LOXHD1: variants seen among roughly 807,000 people sequenced by gnomAD.
The protein encoded by LOXHD1 is lipoxygenase homology PLAT domains 1.
LOXHD1 carries 205 observed loss-of-function variants against 248.2 expected under a neutral mutation model. That is an observed-to-expected ratio of 0.83 (90% CI 0.74 to 0.93). The LOEUF (loss-of-function observed/expected upper bound fraction) is 0.93, where lower values mean the gene tolerates loss of function less well. Among genes scored for constraint, LOXHD1 ranks in the 40% least tolerant of loss-of-function variants. The pLI, the probability that LOXHD1 is intolerant of heterozygous loss-of-function variation, is 0.00. For synonymous variants in LOXHD1, 1,113 were observed against 1,162.8 expected (o/e 0.96, Z 0.87); for missense variants, 2,930 against 2,971.6 (o/e 0.99, Z 0.33).
chr18:46,545,865 G>A lies in LOXHD1; in HGVS notation c.3515-444C>T, dbSNP rs112079135. ...GGGATGGTCTCGATCTCCTGACCTC[G>A]TGATCCGCCCGCCTCGGCCTCCCAA... On this transcript the variant is annotated intron_variant, in intron 22 of 40. Transcript: ENST00000642948. Among the ~76,000 whole-genome samples the A allele has an allele frequency of 3.8e-3, 578 of 151,606 alleles. 15 individuals are homozygous for A. The highest frequency in any genetic ancestry group is 6.3e-4 in the Non-Finnish European group (43 of 67,888).
Position 46,618,637 on chromosome 18 carries a change from A to G in LOXHD1, c.512-347T>C, listed in dbSNP as rs1475767426. ...CATGTTGCCTTGAAACACAGGGATC[A>G]GCCCAGACCCAAGGTGCCACCCTGA... is the stretch of plus-strand genomic sequence containing the variant. On this transcript the variant is annotated intron_variant, in intron 4 of 40. Coordinates refer to ENST00000642948, the MANE Select transcript of LOXHD1 (RefSeq NM_001384474.1). Among the ~76,000 whole-genome samples the G allele has an allele frequency of 9.8e-5, 15 of 152,324 alleles. 1 individual carries two copies. The South Asian group carries it at 2.9e-3, about 29-fold the overall frequency.
chr18:46,538,389 C>T (rs1598948448), intron 25 of LOXHD1, 52 bp from the exon 26 acceptor site: 1 of 1,510,148 alleles, frequency 6.6e-7, no homozygotes, highest in Non-Finnish European at 9.0e-7. Flanking sequence ...GAACAGAAAA[C>T]AAACATGGTG....
intron 28 of LOXHD1, among the ~76,000 whole-genome samples, chr18:46,530,581 A>G (rs539228899): frequency 2.8e-4 from 42 of 152,256 alleles, no homozygotes; most frequent in Admixed American, 2.5e-3. Flanking sequence ...AAGACCCTCA[A>G]AAAGGGGATT....
intron 14 of LOXHD1, among the ~76,000 whole-genome samples, chr18:46,572,374 G>A (rs1000173693): frequency 3.3e-5 from 5 of 152,288 alleles, no homozygotes; most frequent in African/African-American, 4.8e-5. Context: ...ATTGGAAGGA[G>A]GGCAGGGAAC....
chr18:46,504,043 G>A (rs1391738373), intron 37 of LOXHD1, among the ~76,000 whole-genome samples: 1 of 152,158 alleles, frequency 6.6e-6, no homozygotes, highest in African/African-American at 2.4e-5. Flanking sequence ...TTACTTGGTT[G>A]TAAAAAGAGG....
intron 12 of LOXHD1, among the ~76,000 whole-genome samples, chr18:46,585,883 C>T (rs1328254264): frequency 6.6e-6 from 1 of 152,128 alleles, no homozygotes; most frequent in Non-Finnish European, 1.5e-5. Context: ...CAAAGAGCTA[C>T]CAAATGACCC....
chr18:46,649,101 C>T lies in LOXHD1; in HGVS notation c.245+54G>A, dbSNP rs980850769. On this transcript the variant is annotated intron_variant, in intron 2 of 40. Coordinates refer to ENST00000642948, the MANE Select transcript of LOXHD1 (RefSeq NM_001384474.1). ...GCAGGCCACCCTTGGGTCCCAGAAC[C>T]TAATCAACAGGACTAATGGCCCAGG... 24 of 1,457,902 alleles carry T rather than the reference C, an allele frequency of 1.6e-5. No homozygotes were observed. In the African/African-American group the frequency reaches 2.7e-4, roughly 16 times the overall value. 90.3% of individuals were successfully genotyped at this position (1,457,902 alleles called of 1,614,324 possible).
At chr18:46,509,657 G>A in intron 35 of LOXHD1, 41 bp downstream of exon 35, 1 of 1,395,640 alleles carries the variant, frequency 7.2e-7, no homozygotes, top group Non-Finnish European at 1.0e-6. Flanking sequence ...GGAAGGGGTG[G>A]GTGGTGGCTG....
rs184981517 is a variant in LOXHD1, at chr18:46,623,317, C to T, written c.512-5027G>A. Reference sequence around the variant, plus strand: ...TGCACATCTGAGACCAGCAACCCTACCTTTCACATAGTCACCTCCTTCCAC... The same window carrying T: ...TGCACATCTGAGACCAGCAACCCTATCTTTCACATAGTCACCTCCTTCCAC... On this transcript the variant is annotated intron_variant, in intron 4 of 40. Coordinates refer to ENST00000642948, the MANE Select transcript of LOXHD1 (RefSeq NM_001384474.1). Among the ~76,000 whole-genome samples, 917 of 152,340 alleles carry T rather than the reference C, an allele frequency of 6.0e-3. 11 individuals carry two copies. The highest frequency in any genetic ancestry group is 0.021 in the African/African-American group (883 of 41,562).
chr18:46,552,677 C>T (rs552021940), intron 21 of LOXHD1, among the ~76,000 whole-genome samples: 1 of 152,198 alleles, frequency 6.6e-6, no homozygotes, highest in Non-Finnish European at 1.5e-5. Flanking sequence ...CATCTCCCAC[C>T]AGTGCCTGAC....
chr18:46,526,268 T>C (rs1170021294), intron 29 of LOXHD1, among the ~76,000 whole-genome samples: 1 of 152,182 alleles, frequency 6.6e-6, no homozygotes, highest in East Asian at 1.9e-4. Flanking sequence ...GGTCCTGTGC[T>C]TGGGGAGTGG....
chr18:46,517,100 C>T (rs1441231862), intron 34 of LOXHD1, among the ~76,000 whole-genome samples: 1 of 152,116 alleles, frequency 6.6e-6, no homozygotes, highest in Non-Finnish European at 1.5e-5. Context: ...TGTTCAGAGG[C>T]AAGTTGCTGT....
Position 46,533,294 on chromosome 18 carries a change from G to A in LOXHD1, c.4243C>T (p.Arg1415Trp), listed in dbSNP as rs1470715466. 14 of 1,551,808 alleles carry A rather than the reference G, an allele frequency of 9.0e-6. No homozygotes were observed. Among genetic ancestry groups the A allele is most frequent in the South Asian group, 3.6e-5 (3 of 84,060 alleles). ...GAETLTFPCD[R>W]WLATSEDDKK... ...TCATCCTCAGAGGTGGCAAGCCACC[G>A]ATCGCATGGGAAAGTCAAGGTCTCT... The change falls in exon 28 of 41, where the codon CGG (arginine) becomes TGG (tryptophan). Residue 1415 changes from arginine to tryptophan, a missense_variant. Arg to Trp is a moderately radical substitution (Grantham distance 101). Transcript: ENST00000642948.
intron 6 of LOXHD1, 134 bp downstream of exon 6, chr18:46,610,642 C>G (rs1033984145): frequency 8.5e-5 from 83 of 980,698 alleles, no homozygotes. Flanking sequence ...GAATGGCTGG[C>G]CATCTGGCTT....
intron 5 of LOXHD1, among the ~76,000 whole-genome samples, chr18:46,617,595 G>A (rs2038606637): frequency 7.2e-6 from 1 of 139,620 alleles, no homozygotes; most frequent in African/African-American, 2.7e-5. Context: ...TTAGTATATT[G>A]TTACAAAATT....
At position 46,547,834 on chromosome 18, in the gene LOXHD1, C is replaced by T. The variant is rs149815202; in HGVS notation, c.3351-776G>A. 3.1e-3 allele frequency among the ~76,000 whole-genome samples: 473 copies of T among 152,296 alleles called. 2 individuals are homozygous for T. Among genetic ancestry groups the T allele is most frequent in the Non-Finnish European group, 4.6e-3 (316 of 68,016 alleles). ...CTATTAAATTTGGATTTTAGATAAA[C>T]AATGCATAACGTTTTAAGTGTGTCC... On this transcript the variant is annotated intron_variant, in intron 21 of 40. Transcript: ENST00000642948.
In LOXHD1 at chr18:46,608,385, C is replaced by A. The variant is rs551858360; in HGVS notation, c.759+2391G>T. Among the ~76,000 whole-genome samples the A allele has an allele frequency of 5.9e-5, 9 of 152,254 alleles. No individual in the cohort carries two copies. The East Asian group carries it at 1.5e-3, about 26-fold the overall frequency. ...CATATGAACCTGCCTCCTTGGGGAA[C>A]CTTCCTAAGAGCACAACGCACCCAT... On this transcript the variant is annotated intron_variant, in intron 6 of 40. Coordinates refer to ENST00000642948, the MANE Select transcript of LOXHD1 (RefSeq NM_001384474.1).
chr18:46,653,739 C>G (rs989232735), intron 1 of LOXHD1, among the ~76,000 whole-genome samples: 3 of 152,184 alleles, frequency 2.0e-5, no homozygotes, highest in African/African-American at 2.4e-5. Context: ...CCAGTTCTAC[C>G]ATTATTGGCT....
In LOXHD1 at chr18:46,526,069, C is replaced by T. The variant is rs533179848; in HGVS notation, c.4531-1152G>A. On this transcript the variant is annotated intron_variant, in intron 29 of 40. Coordinates refer to ENST00000642948, the MANE Select transcript of LOXHD1 (RefSeq NM_001384474.1). ...TAAATAGCAGCCAGTGGTGTGTGGC[C>T]GAAAGCAGATGTGGATGGGAGCAGT... Among the ~76,000 whole-genome samples, 21 of 152,154 alleles carry T rather than the reference C, an allele frequency of 1.4e-4. No homozygotes were observed. In the South Asian group the frequency reaches 1.7e-3, roughly 12 times the overall value.
Sources: allele counts gnomAD v4.1 joint callset (sites outside exome capture counted in the v4.1 genomes callset), GRCh38; gene constraint gnomAD v4.1.1; transcripts MANE v1.5; gene names NCBI Gene and HGNC (gene_info 2026-07-23, HGNC 2026-07-21).